RIMS2: variants seen among roughly 807,000 people sequenced by gnomAD.
The protein encoded by RIMS2 is regulating synaptic membrane exocytosis 2.
RIMS2 carries 59 observed loss-of-function variants against 174.4 expected under a neutral mutation model. The observed-to-expected ratio is 0.34, with a 90% CI of 0.27 to 0.42. RIMS2 has a LOEUF of 0.42. Ranked by LOEUF, RIMS2 falls within the 10% of genes least tolerant of loss-of-function variation. RIMS2 has a pLI of 1.00. For missense variants in RIMS2, 1,620 were observed against 1,666.3 expected (o/e 0.97, Z 0.48); for synonymous variants, 606 against 572.5 (o/e 1.06, Z -0.84).
chr8:103,783,261 T>A (rs1442342213), intron 3 of RIMS2, among the ~76,000 whole-genome samples: 4 of 147,334 alleles, frequency 2.7e-5, no homozygotes, highest in African/African-American at 1.0e-4. Context: ...GTTTGTTTTT[T>A]CTTTTCTTTT....
chr8:103,596,267 ATTAT>A (rs1171253415), intron 1 of RIMS2, among the ~76,000 whole-genome samples: 1 of 152,074 alleles, frequency 6.6e-6, no homozygotes. Flanking sequence ...GCTTATTGAA[ATTAT>A]TTAACCATAA....
chr8:103,672,042 A>G (rs2096751091), intron 1 of RIMS2, among the ~76,000 whole-genome samples: 1 of 152,220 alleles, frequency 6.6e-6, no homozygotes, highest in South Asian at 2.1e-4. Context: ...AAGGTTTAAA[A>G]CAATTAAAAC....
In RIMS2 at chr8:104,069,562, G is replaced by A. The variant is rs558007028; in HGVS notation, c.3334+54947G>A. Among the ~76,000 whole-genome samples the A allele has an allele frequency of 2.7e-4, 38 of 140,588 alleles. No homozygotes were observed. In the South Asian group the frequency reaches 9.0e-3, roughly 33 times the overall value. 92.2% of individuals were successfully genotyped at this position (140,588 alleles called of 152,430 possible). A position where few individuals can be genotyped will look rare whatever the true frequency, so the allele number is the denominator to read the frequency against. ...TGGCTCACTGCAACCTCCGCCTCCCGGGTTCAAGCGATTCTCCTGCCTCAG... is the reference window on the plus strand; with the variant it reads ...TGGCTCACTGCAACCTCCGCCTCCCAGGTTCAAGCGATTCTCCTGCCTCAG... On this transcript the variant is annotated intron_variant, in intron 19 of 23. Transcript: ENST00000504942.
chr8:103,925,057 T>C (rs1004594730), intron 10 of RIMS2, among the ~76,000 whole-genome samples: 9 of 151,670 alleles, frequency 5.9e-5, no homozygotes, highest in African/African-American at 2.2e-4. Flanking sequence ...ATTACTTTTG[T>C]AGTTCTTAAT....
chr8:103,981,678 C>A (rs1208055501), intron 16 of RIMS2, among the ~76,000 whole-genome samples: 1 of 151,850 alleles, frequency 6.6e-6, no homozygotes, highest in Non-Finnish European at 1.5e-5. Context: ...ATAAATTTAA[C>A]AACGAGATTG....
chr8:103,636,674 G>A (rs1168471170), intron 1 of RIMS2, among the ~76,000 whole-genome samples: 1 of 151,952 alleles, frequency 6.6e-6, no homozygotes, highest in Non-Finnish European at 1.5e-5. Context: ...ATCGTCGAAG[G>A]TGTTGCTATT....
intron 6 of RIMS2, among the ~76,000 whole-genome samples, chr8:103,914,028 C>A (rs995297862): frequency 3.3e-5 from 5 of 152,140 alleles, no homozygotes; most frequent in African/African-American, 9.7e-5. Context: ...AGAACACTCA[C>A]AATAGATGAG....
Position 103,956,828 on chromosome 8 carries a change from G to T in RIMS2, c.2702-4237G>T, listed in dbSNP as rs147024317. On this transcript the variant is annotated intron_variant, in intron 14 of 23. Coordinates refer to ENST00000504942, the Ensembl canonical transcript of RIMS2. ...AGTGAACAGGCAACCTACAGAATGGGAGAAAACTTTTGCAATCTGTCCATT... is the reference window on the plus strand; with the variant it reads ...AGTGAACAGGCAACCTACAGAATGGTAGAAAACTTTTGCAATCTGTCCATT... Among the ~76,000 whole-genome samples the T allele has an allele frequency of 4.2e-3, 641 of 152,238 alleles. 2 individuals carry two copies. The highest frequency in any genetic ancestry group is 7.7e-3 in the Non-Finnish European group (522 of 68,008).
intron 19 of RIMS2, among the ~76,000 whole-genome samples, chr8:104,081,005 T>C (rs1459878975): frequency 6.6e-6 from 1 of 152,040 alleles, no homozygotes; most frequent in Non-Finnish European, 1.5e-5. Context: ...ATCGTAGTTA[T>C]TTTTTAGTAT....
At chr8:104,229,065 T>C (rs1282785596) in intron 19 of RIMS2, among the ~76,000 whole-genome samples, 1 of 152,218 alleles carries the variant, frequency 6.6e-6, no homozygotes, top group Non-Finnish European at 1.5e-5. Flanking sequence ...AAAAACCCTT[T>C]AATATAAAAG....
chr8:103,596,151 G>A (rs2094471246), intron 1 of RIMS2, among the ~76,000 whole-genome samples: 2 of 151,830 alleles, frequency 1.3e-5, no homozygotes, highest in Admixed American at 6.6e-5. Flanking sequence ...TAATTGAATA[G>A]GGACAATTTC....
At chr8:103,881,575 A>C (rs889405432) in intron 3 of RIMS2, among the ~76,000 whole-genome samples, 14 of 151,632 alleles carry the variant, frequency 9.2e-5, no homozygotes, top group Non-Finnish European at 1.9e-4. Flanking sequence ...CATAGAATTT[A>C]AGGAGTCTAA....
At chr8:103,790,249 G>T (rs1466501474) in intron 3 of RIMS2, among the ~76,000 whole-genome samples, 1 of 152,172 alleles carries the variant, frequency 6.6e-6, no homozygotes, top group South Asian at 2.1e-4. Flanking sequence ...CCCATTAGCA[G>T]TCACTTGTCA....
At chr8:104,241,656 T>C (rs1342967089) in intron 19 of RIMS2, among the ~76,000 whole-genome samples, 2 of 152,150 alleles carry the variant, frequency 1.3e-5, no homozygotes, top group African/African-American at 4.8e-5. Context: ...TGATGGGAAT[T>C]TTTTCACAAG....
At chr8:104,233,018 T>C (rs957430903) in intron 19 of RIMS2, among the ~76,000 whole-genome samples, 5 of 152,202 alleles carry the variant, frequency 3.3e-5, no homozygotes, top group African/African-American at 1.2e-4. Context: ...TTTTTAATTC[T>C]TTTAAATAAG....
rs1591988626 is a variant in RIMS2 at position 103,768,668 on chromosome 8, C to T, written c.698+2131C>T. 10 of 806,402 alleles carry T rather than the reference C, an allele frequency of 1.2e-5. No homozygotes were observed. The East Asian group carries it at 2.4e-4, about 20-fold the overall frequency. The allele number at this position is 806,402 out of a possible 1,614,324, so 50.0% of individuals were successfully genotyped here. Reference sequence around the variant, plus strand: ...CCAGGATTGACTGATACTACGATGCCTCATCACCTGGGGCCCAAAAGAGCT... The same window carrying T: ...CCAGGATTGACTGATACTACGATGCTTCATCACCTGGGGCCCAAAAGAGCT... On this transcript the variant is annotated intron_variant, in intron 3 of 23. Coordinates refer to ENST00000504942, the Ensembl canonical transcript of RIMS2.
rs1201213155 is a variant in RIMS2, at chr8:104,128,025, A to C, written c.3334+113410A>C. Among the ~76,000 whole-genome samples, 3 of 152,290 alleles carry C rather than the reference A, an allele frequency of 2.0e-5. No individual in the cohort carries two copies. In the South Asian group the frequency reaches 6.2e-4, roughly 32 times the overall value. On this transcript the variant is annotated intron_variant, in intron 19 of 23. Transcript: ENST00000504942. ...AGCCTAAGGTTCTATAAACAACATA[A>C]ATTTTTATCATATTAAATGACATTA...
intron 14 of RIMS2, among the ~76,000 whole-genome samples, chr8:103,952,387 T>G (rs1203711522): frequency 6.6e-6 from 1 of 152,132 alleles, no homozygotes; most frequent in Non-Finnish European, 1.5e-5. Flanking sequence ...TGGGTGCCCC[T>G]CTGGGACAAA....
chr8:103,975,471 T>C, exon 16 of RIMS2: 8 of 1,613,272 alleles, frequency 5.0e-6, no homozygotes, highest in Non-Finnish European at 6.8e-6. Flanking sequence ...TAGGAAGGAC[T>C]AGATCATGGT....
Sources: gnomAD v4.1 joint callset for allele counts (sites outside exome capture counted in the v4.1 genomes callset) on GRCh38, gnomAD v4.1.1 for gene constraint, MANE v1.5 for transcripts, NCBI Gene and HGNC (gene_info 2026-07-23, HGNC 2026-07-21) for gene names.